Variants in OXGR1 observed in about 807,000 individuals in gnomAD.
OXGR1 encodes 2-oxoglutarate receptor 1.
A neutral mutation model predicts 10.0 loss-of-function variants in OXGR1; 10 were observed. The ratio of observed to expected loss-of-function variants is 1.00; its 90% CI spans 0.62 to 1.70. OXGR1 has a LOEUF of 1.70. Among genes scored for constraint, OXGR1 ranks in the 40% most tolerant of loss-of-function variants. The pLI is 0.00. For synonymous variants in OXGR1, 191 were observed against 155.9 expected (o/e 1.22, Z -1.68); for missense variants, 398 against 407.6 (o/e 0.98, Z 0.20).
chr13:96,991,673 G>A (rs564512732), intron 2 of OXGR1, among the ~76,000 whole-genome samples: 1 of 152,272 alleles, frequency 6.6e-6, no homozygotes, highest in South Asian at 2.1e-4. Context: ...CAGTTTGGAG[G>A]TTCCTCAGCA....
intron 2 of OXGR1, among the ~76,000 whole-genome samples, chr13:96,990,932 C>T: frequency 1.0e-5 from 1 of 98,952 alleles, no homozygotes; most frequent in Non-Finnish European, 1.7e-5. Context: ...CTGAGTGACA[C>T]AGCAAGACTC....
At chr13:96,988,862 T>C (rs902701815) in intron 3 of OXGR1, among the ~76,000 whole-genome samples, 1 of 152,176 alleles carries the variant, frequency 6.6e-6, no homozygotes, top group Non-Finnish European at 1.5e-5. Context: ...ATTATTTGGA[T>C]GTAAATAGCT....
At chr13:96,994,646 C>T (rs1392032334), upstream of OXGR1, 1 of 152,110 alleles carries the variant, frequency 6.6e-6, no homozygotes. Context: ...TTGTGGCCGC[C>T]TTGTCTTGGT....
chr13:96,986,612 C>A lies in OXGR1; in HGVS notation c.*134G>T. ...GATTGCAAAGAACTAGAAGCTCTGC[C>A]CTGGCTTTGGCACATGATTACTTGA... is the stretch of plus-strand genomic sequence containing the variant. On this transcript the variant is annotated 3_prime_UTR_variant, in exon 4 of 4. Coordinates refer to ENST00000541038, the MANE Select transcript of OXGR1 (RefSeq NM_001346194.2). 1.1e-6 allele frequency: 1 copy of A among 910,086 alleles called. No individual in the cohort carries two copies. Among genetic ancestry groups the A allele is most frequent in the Non-Finnish European group, 1.6e-6 (1 of 611,520 alleles). 56.4% of individuals were successfully genotyped at this position (910,086 alleles called of 1,614,324 possible).
chr13:96,990,735 G>A (rs1054734814), intron 2 of OXGR1, among the ~76,000 whole-genome samples: 4 of 152,028 alleles, frequency 2.6e-5, no homozygotes, highest in Admixed American at 2.6e-4. Flanking sequence ...CCCAAGGTCA[G>A]GAGTTCGAGA....
Position 96,987,296 on chromosome 13 carries a change from G to A in OXGR1, c.464C>T (p.Ala155Val), listed in dbSNP as rs140605584. 3 of 1,614,114 alleles carry A rather than the reference G, an allele frequency of 1.9e-6. No homozygotes were observed. The highest frequency in any genetic ancestry group is 2.5e-6 in the Non-Finnish European group (3 of 1,180,050). ...HKTRCAVVACAVVWIISLVAV... is the reference protein window; with the variant it reads ...HKTRCAVVACVVVWIISLVAV... Reference sequence around the variant, plus strand: ...TACCAGTGAAATGATCCACACCACAGCACAGGCTACAACTGCACATCGAGT... The same window carrying A: ...TACCAGTGAAATGATCCACACCACAACACAGGCTACAACTGCACATCGAGT... The change falls in exon 4 of 4, where the codon GCT (alanine) becomes GTT (valine). Residue 155 changes from alanine to valine, a missense_variant. Transcript: ENST00000541038.
chr13:96,991,977 G>T (rs1174145911), intron 2 of OXGR1, among the ~76,000 whole-genome samples: 1 of 152,126 alleles, frequency 6.6e-6, no homozygotes, highest in African/African-American at 2.4e-5. Flanking sequence ...AAAAAGCCAG[G>T]CATGGAAAGA....
At position 96,987,496 on chromosome 13, in the gene OXGR1, G is replaced by A. The variant is rs201944413; in HGVS notation, c.264C>T (p.Phe88=). The part of the protein sequence containing the change: ...TDLLYLTSLP[F]LIHYYASGEN... ...CGCCACTGGCATAGTAGTGAATCAG[G>A]AAGGGGAGGCTGGTCAGATACAGCA... The change falls in exon 4 of 4, where the codon TTC becomes TTT. Residue 88 remains phenylalanine, a synonymous_variant. Coordinates refer to ENST00000541038, the MANE Select transcript of OXGR1 (RefSeq NM_001346194.2). 1,252 of 1,614,068 alleles carry A rather than the reference G, an allele frequency of 7.8e-4. 2 individuals are homozygous for A. The highest frequency in any genetic ancestry group is 1.0e-3 in the Non-Finnish European group (1,175 of 1,180,042).
In OXGR1 at chr13:96,986,730, A is replaced by C; in HGVS notation, c.*16T>G. On this transcript the variant is annotated 3_prime_UTR_variant, in exon 4 of 4. Coordinates refer to ENST00000541038, the MANE Select transcript of OXGR1 (RefSeq NM_001346194.2). ...TATCAGCAAGTATTTGTTTTTGGTTAAGTAAATGAAATATTTCAAGGGTTG... is the reference window on the plus strand; with the variant it reads ...TATCAGCAAGTATTTGTTTTTGGTTCAGTAAATGAAATATTTCAAGGGTTG... The C allele has an allele frequency of 6.3e-7, 1 of 1,579,576 alleles. No homozygotes were observed. The highest frequency in any genetic ancestry group is 8.6e-7 in the Non-Finnish European group (1 of 1,166,122).
Position 96,991,386 on chromosome 13 carries a change from A to G in OXGR1, c.-127+1036T>C, listed in dbSNP as rs367752434. Among the ~76,000 whole-genome samples the G allele has an allele frequency of 2.0e-5, 3 of 152,296 alleles. No individual in the cohort carries two copies. In the East Asian group the frequency reaches 5.8e-4, roughly 29 times the overall value. On this transcript the variant is annotated intron_variant, in intron 2 of 3. Transcript: ENST00000541038. ...ACACCAGATGGTCCACAAACAAATC[A>G]TTTCAACTCAAAGGACATTAAAGAC...
chr13:96,994,033 C>T (rs1882192776), intron 1 of OXGR1, among the ~76,000 whole-genome samples: 1 of 152,196 alleles, frequency 6.6e-6, no homozygotes, highest in Non-Finnish European at 1.5e-5. Flanking sequence ...CCCCAGTTCT[C>T]TCCAAGTCAA....
chr13:96,987,610 G>A lies in OXGR1; in HGVS notation c.150C>T (p.Gly50=). ...YGIIFLVGFP[G]NAVVISTYIF... ...TGTAAGTGGATATCACTACTGCATT[G>A]CCTGGAAATCCCACGAGGAAGATAA... The change falls in exon 4 of 4, where the codon GGC becomes GGT. Residue 50 remains glycine, a synonymous_variant. Transcript: ENST00000541038. 6.2e-7 allele frequency: 1 copy of A among 1,614,122 alleles called. No individual in the cohort carries two copies. Among genetic ancestry groups the A allele is most frequent in the South Asian group, 1.1e-5 (1 of 91,080 alleles).
In OXGR1 at chr13:96,987,122, A is replaced by G. The variant is rs1881792233; in HGVS notation, c.638T>C (p.Ile213Thr). 1.2e-6 allele frequency: 2 copies of G among 1,614,210 alleles called. No homozygotes were observed. Among genetic ancestry groups the G allele is most frequent in the African/African-American group, 1.3e-5 (1 of 75,058 alleles). ...AATCGTGGTATAGCAAAGTGTCACT[A>G]TCACCAAGGGGAGGCAGAAAGTAGT... ...TATTFCLPLV[I>T]VTLCYTTIIH... is the part of the protein sequence containing the mutation. Residue 213 changes from isoleucine (I) to threonine (T), a missense_variant, in exon 4 of 4, where the codon ATA (isoleucine) becomes ACA (threonine). Coordinates refer to ENST00000541038, the MANE Select transcript of OXGR1 (RefSeq NM_001346194.2).
Position 96,992,477 on chromosome 13 carries a change from G to C in OXGR1, c.-182C>G, listed in dbSNP as rs537913133. 6.6e-6 allele frequency: 1 copy of C among 152,280 alleles called. No homozygotes were observed. Among genetic ancestry groups the C allele is most frequent in the Middle Eastern group, 3.4e-3 (1 of 294 alleles). 9.4% of individuals were successfully genotyped at this position (152,280 alleles called of 1,614,324 possible). A position where few individuals can be genotyped will look rare whatever the true frequency, so the allele number is the denominator to read the frequency against. On this transcript the variant is annotated 5_prime_UTR_variant, in exon 2 of 4. Transcript: ENST00000541038. ...AAGTAGCTGTGATTGTTTGAGGCTA[G>C]CTGCAGGATGTCAATATTTGGGTAA...
intron 2 of OXGR1, among the ~76,000 whole-genome samples, chr13:96,991,146 A>C (rs1459187613): frequency 6.6e-6 from 1 of 152,210 alleles, no homozygotes; most frequent in Non-Finnish European, 1.5e-5. Flanking sequence ...ATTCAGATTG[A>C]ATGAAGACTG....
chr13:96,989,083 A>C (rs1490338863), intron 3 of OXGR1, among the ~76,000 whole-genome samples: 1 of 152,032 alleles, frequency 6.6e-6, no homozygotes, highest in Non-Finnish European at 1.5e-5. Flanking sequence ...AGGAAAAAAA[A>C]CTCTTGGCTC....
chr13:96,993,247 C>A (rs1189113700), intron 1 of OXGR1, among the ~76,000 whole-genome samples: 1 of 152,132 alleles, frequency 6.6e-6, no homozygotes, highest in East Asian at 1.9e-4. Context: ...GAGACGAAAT[C>A]TTGCTCTGTC....
In OXGR1 at chr13:96,986,875, G is replaced by T; in HGVS notation, c.885C>A (p.Thr295=). ...CCACATATAGTAACAGGTTACCAAAGGTGTTCAGAGCAGCTAATGGTCTAG... is the reference window on the plus strand; with the variant it reads ...CCACATATAGTAACAGGTTACCAAATGTGTTCAGAGCAGCTAATGGTCTAG... ...IVSRPLAALN[T]FGNLLLYVVV... Residue 295 remains threonine (T), a synonymous_variant, in exon 4 of 4, where the codon ACC becomes ACA. Coordinates refer to ENST00000541038, the MANE Select transcript of OXGR1 (RefSeq NM_001346194.2). The T allele has an allele frequency of 2.5e-6, 4 of 1,614,172 alleles. No homozygotes were observed. The highest frequency in any genetic ancestry group is 3.4e-6 in the Non-Finnish European group (4 of 1,180,040).
chr13:96,987,002 CAT>C lies in OXGR1; in HGVS notation c.756_757del (p.Cys253PhefsTer24), dbSNP rs1881781628. Reference sequence around the variant, plus strand: ...CCTCAAGATATGGAAGGGTAAAAAACATACGTAAAATGCAAGGAGTAGCAGAA... The same window carrying C: ...CCTCAAGATATGGAAGGGTAAAAAACACGTAAAATGCAAGGAGTAGCAGAA... On this transcript the variant is annotated frameshift_variant, in exon 4 of 4. Transcript: ENST00000541038. LOFTEE classifies it high-confidence loss of function. 1.9e-6 allele frequency: 3 copies of C among 1,614,198 alleles called. No homozygotes were observed. The highest frequency in any genetic ancestry group is 1.1e-5 in the South Asian group (1 of 91,084).
Sources: allele counts gnomAD v4.1 joint callset (sites outside exome capture counted in the v4.1 genomes callset), GRCh38; gene constraint gnomAD v4.1.1; transcripts MANE v1.5; gene names NCBI Gene and HGNC (gene_info 2026-07-23, HGNC 2026-07-21).